EBF4: variants seen among roughly 807,000 people sequenced by gnomAD.
EBF4 encodes transcription factor COE4.
EBF4 carries 34 observed loss-of-function variants against 67.1 expected under a neutral mutation model. The observed-to-expected ratio is 0.51, with a 90% CI of 0.39 to 0.67. The LOEUF is 0.67. Ranked by LOEUF, EBF4 falls within the 30% of genes least tolerant of loss-of-function variation. The pLI is 0.00. For missense variants in EBF4, 837 were observed against 873.3 expected, an observed-to-expected ratio of 0.96 and a Z score of 0.52; for synonymous variants, 387 against 377.7, an observed-to-expected ratio of 1.02 and a Z score of -0.29.
chr20:2,703,240 G>C (rs1218857313), intron 1 of EBF4, among the ~76,000 whole-genome samples: 1 of 136,084 alleles, frequency 7.3e-6, no homozygotes, highest in Non-Finnish European at 1.5e-5. Flanking sequence ...CTGGACAACA[G>C]AGCAAGACCC....
chr20:2,747,111 GC>G lies in EBF4; in HGVS notation c.558-1437del, dbSNP rs1568585533. ...AATCGAGACCAGCCTGGCCAACATGGCAAAACACCGTCTCTACTAAAACTAC... is the reference window on the plus strand; with the variant it reads ...AATCGAGACCAGCCTGGCCAACATGGAAAACACCGTCTCTACTAAAACTAC... On this transcript the variant is annotated intron_variant, in intron 6 of 16. Transcript: ENST00000609451. The surrounding 1 kb of genome is among the most constrained non-coding windows in gnomAD (Gnocchi z 4.6). Among the ~76,000 whole-genome samples, 1 of 152,148 alleles carries G rather than the reference GC, an allele frequency of 6.6e-6. No homozygotes were observed. Among genetic ancestry groups the G allele is most frequent in the Non-Finnish European group, 1.5e-5 (1 of 68,034 alleles).
At chr20:2,749,289 A>G in intron 7 of EBF4, 112 bp from the exon 8 acceptor site, 1 of 755,398 alleles carries the variant, frequency 1.3e-6, no homozygotes, top group Non-Finnish European at 2.1e-6. Flanking sequence ...CCCACCAGTG[A>G]CCCTAAATTC....
At chr20:2,757,462 G>A (rs1204013272) in intron 15 of EBF4, among the ~76,000 whole-genome samples, 1 of 151,858 alleles carries the variant, frequency 6.6e-6, no homozygotes, top group Admixed American at 6.6e-5. Flanking sequence ...GCCAGGGAGG[G>A]CGGGAGGGCA....
chr20:2,749,003 C>T (rs989249406), intron 7 of EBF4, among the ~76,000 whole-genome samples: 28 of 152,272 alleles, frequency 1.8e-4, no homozygotes, highest in African/African-American at 6.5e-4. Context: ...CCAGTTTTCT[C>T]CCCAGAATAG....
chr20:2,747,164 C>T lies in EBF4; in HGVS notation c.558-1385C>T, dbSNP rs2088061972. Among the ~76,000 whole-genome samples the T allele has an allele frequency of 6.6e-6, 1 of 152,048 alleles. No individual in the cohort carries two copies. ...AAAAGTAGCCAGGCGTGGTGGCAGGCCCCTGTGATCCCCCTGTAATCCCCT... is the reference window on the plus strand; with the variant it reads ...AAAAGTAGCCAGGCGTGGTGGCAGGTCCCTGTGATCCCCCTGTAATCCCCT... On this transcript the variant is annotated intron_variant, in intron 6 of 16. Coordinates refer to ENST00000609451, the Ensembl canonical transcript of EBF4. The surrounding 1 kb of genome is among the most constrained non-coding windows in gnomAD (Gnocchi z 4.6).
At chr20:2,697,468 C>G (rs2087310773) in intron 1 of EBF4, among the ~76,000 whole-genome samples, 1 of 151,848 alleles carries the variant, frequency 6.6e-6, no homozygotes, top group Admixed American at 6.6e-5. Context: ...TGGCGTGAAC[C>G]CGGGAGGCGG....
intron 6 of EBF4, among the ~76,000 whole-genome samples, chr20:2,723,352 T>A (rs537790929): frequency 2.5e-4 from 38 of 152,260 alleles, no homozygotes; most frequent in Middle Eastern, 3.4e-3. Flanking sequence ...ATTTTTATTT[T>A]TTTTTATTTT....
intron 14 of EBF4, among the ~76,000 whole-genome samples, chr20:2,753,573 G>C (rs2088191903): frequency 6.6e-6 from 1 of 152,254 alleles, no homozygotes; most frequent in Non-Finnish European, 1.5e-5. Context: ...GATTGTCCCT[G>C]AAGTCCCAGG....
At chr20:2,712,533 G>A (rs889341194) in intron 6 of EBF4, among the ~76,000 whole-genome samples, 2 of 152,192 alleles carry the variant, frequency 1.3e-5, no homozygotes, top group Non-Finnish European at 2.9e-5. Flanking sequence ...CTGGAGTTTG[G>A]TTTGAGCATG....
At chr20:2,721,846 G>C (rs1252817684) in intron 6 of EBF4, among the ~76,000 whole-genome samples, 1 of 152,158 alleles carries the variant, frequency 6.6e-6, no homozygotes, top group Admixed American at 6.5e-5. Flanking sequence ...TGTCTGTTCT[G>C]AGTCAGTTTC....
chr20:2,721,550 G>T (rs2087681477), intron 6 of EBF4, among the ~76,000 whole-genome samples: 1 of 152,098 alleles, frequency 6.6e-6, no homozygotes, highest in Non-Finnish European at 1.5e-5. Context: ...CACCTCCTGG[G>T]TTCAAGTGAT....
At chr20:2,749,380 T>C in intron 7 of EBF4, 21 bp from the exon 8 acceptor site, 11 of 1,509,038 alleles carry the variant, frequency 7.3e-6, no homozygotes, top group Non-Finnish European at 9.8e-6. Context: ...CCAGCCAGGC[T>C]GGCCTCGGCT....
chr20:2,693,310 G>C (rs1197229482), upstream of EBF4, among the ~76,000 whole-genome samples: 1 of 149,754 alleles, frequency 6.7e-6, no homozygotes, highest in African/African-American at 2.4e-5. The surrounding 1 kb of genome is among the most constrained non-coding windows in gnomAD (Gnocchi z 4.6). Context: ...GCAGCCGCCA[G>C]AGCGCGCCTC....
At chr20:2,746,753 G>C (rs2088056060) in intron 6 of EBF4, among the ~76,000 whole-genome samples, 1 of 152,170 alleles carries the variant, frequency 6.6e-6, no homozygotes, top group South Asian at 2.1e-4. Context: ...TCCACCCCAG[G>C]TTTGGGACTC....
chr20:2,753,957 G>A (rs1600246961), intron 14 of EBF4, among the ~76,000 whole-genome samples: 1 of 11,754 alleles, frequency 8.5e-5, no homozygotes, highest in Non-Finnish European at 1.8e-4. Context: ...CCTCTCTGTG[G>A]GCACCCCCTT....
chr20:2,748,398 G>C (rs1029498474), intron 6 of EBF4, 151 bp from the exon 7 acceptor site: 2 of 698,304 alleles, frequency 2.9e-6, no homozygotes, highest in Non-Finnish European at 4.8e-6. Flanking sequence ...CTGGTATATG[G>C]AGGCCATGAT....
chr20:2,706,318 C>G, intron 4 of EBF4, 54 bp downstream of exon 4: 1 of 1,545,360 alleles, frequency 6.5e-7, no homozygotes, highest in Non-Finnish European at 8.8e-7. Context: ...CCGGACCCTG[C>G]CTCCCCCTGG....
Position 2,707,506 on chromosome 20 carries a change from G to C in EBF4, c.415-441G>C, listed in dbSNP as rs550863395. 6.6e-6 allele frequency among the ~76,000 whole-genome samples: 1 copy of C among 152,126 alleles called. No individual in the cohort carries two copies. The highest frequency in any genetic ancestry group is 2.4e-5 in the African/African-American group (1 of 41,468). ...CCTCGGAGCTGACTGGGCTGGCAGG[G>C]ATAGCTGAGAAGGACAACACTCATC... On this transcript the variant is annotated intron_variant, in intron 4 of 16. Transcript: ENST00000609451. This position sits in a 1 kb window ranked among gnomAD's most constrained non-coding sequence, Gnocchi z 4.6.
intron 2 of EBF4, 39 bp from the exon 3 acceptor site, chr20:2,705,934 TC>T: frequency 1.3e-6 from 2 of 1,542,446 alleles, no homozygotes; most frequent in Non-Finnish European, 1.8e-6. Flanking sequence ...GGCTGGAGGA[TC>T]CCTGAGCACC....
Sources: gnomAD v4.1 joint callset for allele counts (sites outside exome capture counted in the v4.1 genomes callset) on GRCh38, gnomAD v4.1.1 for gene constraint, Gnocchi (gnomAD v3.1) non-coding constraint, MANE v1.5 for transcripts, NCBI Gene and HGNC (gene_info 2026-07-23, HGNC 2026-07-21) for gene names.